Variants in PRIM2 observed in about 807,000 individuals in gnomAD.
The protein encoded by PRIM2 is DNA primase subunit 2.
A neutral mutation model predicts 67.3 loss-of-function variants in PRIM2; 39 were observed. The ratio of observed to expected loss-of-function variants is 0.58; its 90% CI spans 0.45 to 0.76. The LOEUF is 0.76. Among genes scored for constraint, PRIM2 ranks in the 30% least tolerant of loss-of-function variants. The pLI, the probability that PRIM2 is intolerant of heterozygous loss-of-function variation, is 0.00. For missense variants in PRIM2, 398 were observed against 598.7 expected (o/e 0.66, Z 3.50); for synonymous variants, 143 against 198.7 (o/e 0.72, Z 2.36).
the PRIM2 span, among the ~76,000 whole-genome samples, chr6:57,307,558 A>T: frequency 6.6e-6 from 1 of 152,014 alleles, no homozygotes; most frequent in Non-Finnish European, 1.5e-5. Context: ...TTTTTTGCAG[A>T]GATTATTTAC....
At chr6:57,576,650 A>C (rs1271851427) in intron 10 of PRIM2, among the ~76,000 whole-genome samples, 6 of 150,466 alleles carry the variant, frequency 4.0e-5, no homozygotes, top group Admixed American at 2.6e-4. Context: ...ACGTATCACT[A>C]AAAGGGAAAA....
At chr6:57,637,932 C>T (rs1360124515) in intron 13 of PRIM2, among the ~76,000 whole-genome samples, 1 of 152,066 alleles carries the variant, frequency 6.6e-6, no homozygotes, top group Admixed American at 6.6e-5. Flanking sequence ...AAGAACAACC[C>T]CAAGACACAT....
chr6:57,316,645 G>T (rs1767490869), upstream of PRIM2, among the ~76,000 whole-genome samples: 1 of 152,196 alleles, frequency 6.6e-6, no homozygotes, highest in Non-Finnish European at 1.5e-5. Flanking sequence ...ACCTATACCG[G>T]AGCCTCATTC....
intron 5 of PRIM2, among the ~76,000 whole-genome samples, chr6:57,351,843 GGA>G (rs1768866997): frequency 6.6e-6 from 1 of 152,054 alleles, no homozygotes; most frequent in African/African-American, 2.4e-5. Flanking sequence ...GCTTGCTAAG[GGA>G]GAGAGGATGA....
the PRIM2 span, among the ~76,000 whole-genome samples, chr6:57,292,530 C>A: frequency 3.8e-4 from 58 of 152,266 alleles, no homozygotes; most frequent in African/African-American, 1.3e-3. Context: ...AAAGAGCCCA[C>A]ATAGCCAAGA....
At chr6:57,320,111 G>A (rs1767601776) in intron 2 of PRIM2, among the ~76,000 whole-genome samples, 1 of 152,130 alleles carries the variant, frequency 6.6e-6, no homozygotes. Flanking sequence ...CTGCCTAACA[G>A]GCAGCTCCCA....
At chr6:57,323,156 T>G (rs550957500) in intron 3 of PRIM2, among the ~76,000 whole-genome samples, 13 of 152,054 alleles carry the variant, frequency 8.5e-5, no homozygotes, top group Admixed American at 6.6e-4. Flanking sequence ...ACCTAGTGAG[T>G]GCTCAAGACA....
At chr6:57,257,322 A>G in the PRIM2 span, among the ~76,000 whole-genome samples, 2 of 146,344 alleles carry the variant, frequency 1.4e-5, no homozygotes, top group Admixed American at 7.0e-5. Context: ...CCCAGGCTGG[A>G]GTGCAATGGC....
At chr6:57,391,533 A>G (rs1423018263) in intron 7 of PRIM2, among the ~76,000 whole-genome samples, 2 of 152,004 alleles carry the variant, frequency 1.3e-5, no homozygotes, top group Non-Finnish European at 2.9e-5. Flanking sequence ...TTTTGAGTTG[A>G]TTTTTATATA....
At chr6:57,439,404 G>GTTTTTTT (rs149436085) in intron 7 of PRIM2, among the ~76,000 whole-genome samples, 5 of 57,068 alleles carry the variant, frequency 8.8e-5, no homozygotes, top group East Asian at 6.8e-4. Flanking sequence ...GAGGTACTCT[G>GTTTTTTT]TTTTTTTTTT....
intron 5 of PRIM2, among the ~76,000 whole-genome samples, chr6:57,340,808 TAACA>T (rs1171586262): frequency 6.6e-6 from 1 of 152,192 alleles, no homozygotes. Context: ...TATACATATG[TAACA>T]AACCTGCACA....
chr6:57,275,500 C>T, the PRIM2 span, among the ~76,000 whole-genome samples: 1 of 152,218 alleles, frequency 6.6e-6, no homozygotes. Context: ...AAAAAACAAA[C>T]AAATAAAAGT....
the PRIM2 span, among the ~76,000 whole-genome samples, chr6:57,235,418 C>T: frequency 6.6e-6 from 1 of 150,776 alleles, no homozygotes; most frequent in Non-Finnish European, 1.5e-5. Flanking sequence ...GAGCTGAGAT[C>T]GCGCCACTGC....
At chr6:57,467,167 T>C in intron 7 of PRIM2, among the ~76,000 whole-genome samples, 1 of 150,786 alleles carries the variant, frequency 6.6e-6, no homozygotes, top group East Asian at 1.9e-4. Flanking sequence ...TTTGTTGCCA[T>C]TGCTTTTGTT....
At chr6:57,341,138 G>A (rs933959251) in intron 5 of PRIM2, among the ~76,000 whole-genome samples, 1 of 152,128 alleles carries the variant, frequency 6.6e-6, no homozygotes, top group Non-Finnish European at 1.5e-5. Context: ...ATACATCCCA[G>A]TGTGGTGTTA....
chr6:57,339,841 C>A lies in PRIM2; in HGVS notation c.459+13796C>A, dbSNP rs1344355021. ...ACACCAAAAGCAATGGCAACAAAAGCCAAAATTGACAAATGGGATCTAATT... is the reference window on the plus strand; with the variant it reads ...ACACCAAAAGCAATGGCAACAAAAGACAAAATTGACAAATGGGATCTAATT... On this transcript the variant is annotated intron_variant, in intron 5 of 13. Coordinates refer to ENST00000615550, the MANE Select transcript of PRIM2 (RefSeq NM_000947.5). Among the ~76,000 whole-genome samples the A allele has an allele frequency of 5.2e-3, 789 of 152,098 alleles. 8 individuals carry two copies. Among genetic ancestry groups the A allele is most frequent in the African/African-American group, 0.017 (714 of 41,498 alleles).
chr6:57,517,705 A>G (rs1445008713), intron 8 of PRIM2, among the ~76,000 whole-genome samples: 5 of 152,132 alleles, frequency 3.3e-5, no homozygotes, highest in Non-Finnish European at 7.3e-5. Context: ...GAAAAGCTAT[A>G]TGTATGGAGC....
At chr6:57,389,996 T>C (rs1770276046) in intron 7 of PRIM2, 1 of 154,766 alleles carries the variant, frequency 6.5e-6, no homozygotes, top group Non-Finnish European at 1.5e-5. Flanking sequence ...AATCCATCAA[T>C]ATGCAAGTAG....
intron 5 of PRIM2, among the ~76,000 whole-genome samples, chr6:57,330,348 G>GTTTTTTTTTTTTTTTTTTTTTTTTTTT (rs1238317111): frequency 2.2e-4 from 19 of 87,816 alleles, no homozygotes; most frequent in African/African-American, 5.0e-4. Context: ...TGCTGAACTT[G>GTTTTTTTTTTTTTTTTTTTTTTTTTTT]TTTTTTTTTT....
Sources: allele counts gnomAD v4.1 joint callset (sites outside exome capture counted in the v4.1 genomes callset), GRCh38; gene constraint gnomAD v4.1.1; transcripts MANE v1.5; gene names NCBI Gene and HGNC (gene_info 2026-07-23, HGNC 2026-07-21).